The following SDK2 variants were observed in gnomAD, a reference collection of about 807,000 sequenced individuals.
SDK2 encodes the protein protein sidekick-2.
In SDK2, 105 loss-of-function variants were observed where a neutral mutation model predicts 253.9. The observed-to-expected ratio is 0.41, with a 90% confidence interval of 0.35 to 0.49. The LOEUF is 0.49. SDK2 is among the 20% of genes least tolerant of loss of function. The pLI, the probability that SDK2 is intolerant of heterozygous loss-of-function variation, is 0.06. For missense variants in SDK2, 2,608 were observed against 3,003.0 expected (o/e 0.87, Z 3.07); for synonymous variants, 1,249 against 1,234.9 (o/e 1.01, Z -0.24).
chr17:73,581,173 C>A (rs539869458), intron 1 of SDK2, among the ~76,000 whole-genome samples: 1 of 152,220 alleles, frequency 6.6e-6, no homozygotes, highest in Admixed American at 6.5e-5. Flanking sequence ...TGAGCCACTG[C>A]GCTCAGCACT....
rs1352411915 is a variant in SDK2, at chr17:73,536,651, G to A, written c.65-29054C>T. Among the ~76,000 whole-genome samples, 3 of 152,334 alleles carry A rather than the reference G, an allele frequency of 2.0e-5. No homozygotes were observed. The East Asian group carries it at 5.8e-4, about 29-fold the overall frequency. On this transcript the variant is annotated intron_variant, in intron 1 of 44. Coordinates refer to ENST00000392650, the MANE Select transcript of SDK2 (RefSeq NM_001144952.2). The stretch of plus-strand genomic sequence containing the variant: ...ACGCTGCCCCCACGCCAGTGCGGGG[G>A]TCGCAAAATCACTCGTTGCTTTCCT...
chr17:73,466,022 G>T (rs985061729), intron 3 of SDK2, among the ~76,000 whole-genome samples: 1 of 152,220 alleles, frequency 6.6e-6, no homozygotes, highest in African/African-American at 2.4e-5. Flanking sequence ...CCAGACTGGG[G>T]TAGGGAGAGG....
chr17:73,414,086 G>A (rs929135776), intron 18 of SDK2, among the ~76,000 whole-genome samples: 5 of 150,672 alleles, frequency 3.3e-5, no homozygotes, highest in Non-Finnish European at 5.9e-5. Context: ...TCATTCTGTG[G>A]CCCAGGGTGT....
chr17:73,423,896 T>C lies in SDK2; in HGVS notation c.1760+20A>G, dbSNP rs6501636. 1,171,172 of 1,534,184 alleles carry C rather than the reference T, an allele frequency of 0.76. 454,228 individuals carry two copies. Among genetic ancestry groups the C allele is most frequent in the Admixed American group, 0.83 (42,815 of 51,886 alleles). On this transcript the variant is annotated intron_variant, in intron 13 of 44. Transcript: ENST00000392650. ...ATTGCCTGGACCGCCTCTGCCGGGG[T>C]CTGGGAGGGCTGCCCTTACCTGACT... is the stretch of plus-strand genomic sequence containing the variant.
intron 1 of SDK2, among the ~76,000 whole-genome samples, chr17:73,635,211 C>T (rs564798227): frequency 1.0e-3 from 155 of 152,208 alleles, no homozygotes; most frequent in Non-Finnish European, 1.5e-3. Flanking sequence ...TGGTCTTGAA[C>T]GCCTGTCCTC....
At chr17:73,514,086 A>G (rs1321589068) in intron 1 of SDK2, among the ~76,000 whole-genome samples, 2 of 152,188 alleles carry the variant, frequency 1.3e-5, no homozygotes, top group Non-Finnish European at 2.9e-5. Flanking sequence ...ATATGTATAC[A>G]TGTGCATACG....
At chr17:73,540,197 C>T (rs990044744) in intron 1 of SDK2, among the ~76,000 whole-genome samples, 1 of 152,168 alleles carries the variant, frequency 6.6e-6, no homozygotes, top group Non-Finnish European at 1.5e-5. Context: ...AGGTGGGGAA[C>T]GATTCTGCTC....
At position 73,465,327 on chromosome 17, in the gene SDK2, G is replaced by C. The variant is rs2063589645; in HGVS notation, c.331+6785C>G. Reference sequence around the variant, plus strand: ...TGTGGGTGGGTGGGTGCGTGGGTTTGGTGCTGGAGTGGATGGTTTCAAGTC... The same window carrying C: ...TGTGGGTGGGTGGGTGCGTGGGTTTCGTGCTGGAGTGGATGGTTTCAAGTC... On this transcript the variant is annotated intron_variant, in intron 3 of 44. Coordinates refer to ENST00000392650, the MANE Select transcript of SDK2 (RefSeq NM_001144952.2). The surrounding 1 kb of genome is among the most constrained non-coding windows in gnomAD (Gnocchi z 4.2). Among the ~76,000 whole-genome samples the C allele has an allele frequency of 6.6e-6, 1 of 152,140 alleles. No homozygotes were observed. Among genetic ancestry groups the C allele is most frequent in the South Asian group, 2.1e-4 (1 of 4,824 alleles).
intron 2 of SDK2, among the ~76,000 whole-genome samples, chr17:73,475,530 A>G (rs897612565): frequency 4.6e-5 from 7 of 152,256 alleles, no homozygotes; most frequent in Non-Finnish European, 8.8e-5. Flanking sequence ...TTTGCTTGCC[A>G]TCGCAGAGAC....
chr17:73,420,214 A>C (rs1293752309), intron 15 of SDK2, among the ~76,000 whole-genome samples: 2 of 152,204 alleles, frequency 1.3e-5, no homozygotes, highest in Non-Finnish European at 2.9e-5. Flanking sequence ...GCCTAAGTGT[A>C]CTTTTCACAT....
chr17:73,391,487 A>G lies in SDK2; in HGVS notation c.3950T>C (p.Val1317Ala). 1 of 1,310,000 alleles carries G rather than the reference A, an allele frequency of 7.6e-7. No individual in the cohort carries two copies. Among genetic ancestry groups the G allele is most frequent in the Admixed American group, 3.1e-5 (1 of 32,484 alleles). The allele number at this position is 1,310,000 out of a possible 1,614,324, so 81.1% of individuals were successfully genotyped here. Residue 1317 changes from valine to alanine, a missense_variant, in exon 28 of 45, where the codon GTG (valine) becomes GCG (alanine). By Grantham distance (64) the Val-to-Ala change is moderately conservative (BLOSUM62 0). This residue lies in a region of SDK2 where 1,505 missense variants were observed against 1,859.1 expected (regional missense o/e 0.81). Coordinates refer to ENST00000392650, the MANE Select transcript of SDK2 (RefSeq NM_001144952.2). ...GGCAGGGGGCTGCCAGATCAGCCGCACAGACGTGGTCCGCACCTCTGGGAA... is the reference window on the plus strand; with the variant it reads ...GGCAGGGGGCTGCCAGATCAGCCGCGCAGACGTGGTCCGCACCTCTGGGAA... ...ILFPEVRTTS[V>A]RLIWQPPAAP...
At chr17:73,400,791 T>C (rs938845303) in intron 21 of SDK2, among the ~76,000 whole-genome samples, 8 of 151,954 alleles carry the variant, frequency 5.3e-5, no homozygotes, top group Non-Finnish European at 1.2e-4. Flanking sequence ...CTAACTGGGA[T>C]CACAAGCATG....
chr17:73,444,808 C>T (rs1208939083), intron 5 of SDK2, among the ~76,000 whole-genome samples: 1 of 152,142 alleles, frequency 6.6e-6, no homozygotes. Context: ...GTGAGCTGCT[C>T]CCCTCTCTTG....
chr17:73,338,592 C>T lies in SDK2; in HGVS notation c.6514G>A (p.Val2172Ile). 6.6e-7 allele frequency: 1 copy of T among 1,513,192 alleles called. No individual in the cohort carries two copies. The highest frequency in any genetic ancestry group is 1.4e-5 in the African/African-American group (1 of 71,868). 93.7% of individuals were successfully genotyped at this position (1,513,192 alleles called of 1,614,324 possible). A position where few individuals can be genotyped will look rare whatever the true frequency, so the allele number is the denominator to read the frequency against. ...TGCTTTTTCCTCTTCTGATGTCAAA[C>T]AAATGATGAAAATCCTGCTATGGGA... Reference protein sequence around the residue: ...RAPIAGFSSFV With the variant: ...RAPIAGFSSFI The change falls in exon 45 of 45, where the codon GTT becomes ATT. Residue 2172 changes from valine (V) to isoleucine (I), a missense_variant. Transcript: ENST00000392650. The surrounding 1 kb of genome is among the most constrained non-coding windows in gnomAD (Gnocchi z 5.0).
chr17:73,523,982 T>A (rs2064104872), intron 1 of SDK2, among the ~76,000 whole-genome samples: 2 of 152,206 alleles, frequency 1.3e-5, no homozygotes, highest in Admixed American at 6.5e-5. Flanking sequence ...GAATAGGACC[T>A]CAGTGGACAT....
intron 1 of SDK2, among the ~76,000 whole-genome samples, chr17:73,550,899 C>G (rs780916504): frequency 3.3e-5 from 5 of 152,138 alleles, no homozygotes; most frequent in Non-Finnish European, 7.4e-5. Flanking sequence ...ATGAGCCAAA[C>G]GCAGCTGCTC....
intron 1 of SDK2, among the ~76,000 whole-genome samples, chr17:73,610,877 T>C (rs192581804): frequency 9.4e-4 from 142 of 151,790 alleles, no homozygotes; most frequent in African/African-American, 3.1e-3. Flanking sequence ...GACAGAGAGA[T>C]GGAGGGTCAG....
intron 1 of SDK2, among the ~76,000 whole-genome samples, chr17:73,590,576 C>T (rs1483664870): frequency 6.6e-6 from 1 of 152,190 alleles, no homozygotes; most frequent in Non-Finnish European, 1.5e-5. Flanking sequence ...TTCAACACAC[C>T]CTGAGAATGA....
chr17:73,413,965 G>C (rs1349796922), intron 18 of SDK2, among the ~76,000 whole-genome samples: 2 of 152,098 alleles, frequency 1.3e-5, no homozygotes, highest in Admixed American at 6.5e-5. Flanking sequence ...GCCCACAAGA[G>C]CCACGGTAAG....
Sources: gnomAD v4.1 joint callset for allele counts (sites outside exome capture counted in the v4.1 genomes callset) on GRCh38, gnomAD v4.1.1 for gene constraint, gnomAD v4.1.1 regional missense constraint, Gnocchi (gnomAD v3.1) non-coding constraint, MANE v1.5 for transcripts, NCBI Gene and HGNC (gene_info 2026-07-23, HGNC 2026-07-21) for gene names.